WASL: variants seen among roughly 807,000 people sequenced by gnomAD.
The protein encoded by WASL is WASP like actin nucleation promoting factor, also known as actin nucleation-promoting factor WASL.
Under a neutral mutation model 55.5 loss-of-function variants are expected in WASL, and 20 were observed. The ratio of observed to expected loss-of-function variants is 0.36; its 90% CI spans 0.25 to 0.52. WASL has a LOEUF of 0.52. WASL is among the 20% of genes least tolerant of loss of function. The pLI is 0.92. For missense variants in WASL, 504 were observed against 622.5 expected, an observed-to-expected ratio of 0.81 and a Z score of 2.03; for synonymous variants, 249 against 217.6, an observed-to-expected ratio of 1.14 and a Z score of -1.27.
At position 123,748,664 on chromosome 7, in the gene WASL, G is replaced by T. The variant is rs768654148; in HGVS notation, c.71C>A (p.Pro24Gln). ...AGTGAAGAGGGACTCGTTCTCCTGCGGGGTGAGCAACAGGGACCCCACGTT... is the reference window on the plus strand; with the variant it reads ...AGTGAAGAGGGACTCGTTCTCCTGCTGGGTGAGCAACAGGGACCCCACGTT... Reference protein sequence around the residue: ...VTNVGSLLLTPQENESLFTFL... With the variant: ...VTNVGSLLLTQQENESLFTFL... Residue 24 changes from proline (P) to glutamine (Q), a missense_variant, in exon 1 of 11, where the codon CCG (proline) becomes CAG (glutamine). Transcript: ENST00000223023. 6.2e-7 allele frequency: 1 copy of T among 1,612,996 alleles called. No homozygotes were observed. Among genetic ancestry groups the T allele is most frequent in the Admixed American group, 1.7e-5 (1 of 59,956 alleles).
chr7:123,744,437 G>A (rs1180511637), intron 1 of WASL, among the ~76,000 whole-genome samples: 1 of 151,974 alleles, frequency 6.6e-6, no homozygotes, highest in Non-Finnish European at 1.5e-5. Context: ...GACTACCTAG[G>A]CATAAAGTCT....
chr7:123,719,670 G>A (rs934441362), intron 1 of WASL, among the ~76,000 whole-genome samples: 1 of 152,158 alleles, frequency 6.6e-6, no homozygotes, highest in Non-Finnish European at 1.5e-5. Context: ...CTTCAGTACA[G>A]AGCACAAGCA....
rs1803220587 is a variant in WASL at position 123,682,876 on chromosome 7, CTTAAA to C, written c.*1638_*1642del. ...AAAAGTCTAGAATCTTTCCCATGTG[CTTAAA>C]TTACTCTTGCAAGAAAGATAACATT... is the stretch of plus-strand genomic sequence containing the variant. On this transcript the variant is annotated 3_prime_UTR_variant, in exon 11 of 11. Transcript: ENST00000223023. The C allele has an allele frequency of 6.6e-6, 1 of 152,046 alleles. No homozygotes were observed. The allele number at this position is 152,046 out of a possible 1,614,324, so 9.4% of individuals were successfully genotyped here. A position where few individuals can be genotyped will look rare whatever the true frequency, so the allele number is the denominator to read the frequency against.
Position 123,684,497 on chromosome 7 carries a change from AT to A in WASL, c.*21del. ...GTTTAGTATTTCACCTTAAAAATAT[AT>A]ATATATATATAATATATAGATCAGT... is the stretch of plus-strand genomic sequence containing the variant. On this transcript the variant is annotated 3_prime_UTR_variant, in exon 11 of 11. Coordinates refer to ENST00000223023, the MANE Select transcript of WASL (RefSeq NM_003941.4). 3.5e-6 allele frequency: 2 copies of A among 563,598 alleles called. No homozygotes were observed. The highest frequency in any genetic ancestry group is 7.1e-5 in the East Asian group (2 of 28,060). 34.9% of individuals were successfully genotyped at this position (563,598 alleles called of 1,614,324 possible).
chr7:123,710,946 T>C (rs554407530), intron 1 of WASL, among the ~76,000 whole-genome samples: 1 of 152,172 alleles, frequency 6.6e-6, no homozygotes, highest in Non-Finnish European at 1.5e-5. Context: ...GGCTGAAGAA[T>C]GCAAAAATCA....
chr7:123,686,067 T>C (rs1195572483), intron 10 of WASL, among the ~76,000 whole-genome samples: 1 of 151,156 alleles, frequency 6.6e-6, no homozygotes, highest in Non-Finnish European at 1.5e-5. Flanking sequence ...AAATTGATTG[T>C]GTGAAGGTAG....
chr7:123,723,377 T>C (rs148740364), intron 1 of WASL, among the ~76,000 whole-genome samples: 8 of 152,162 alleles, frequency 5.3e-5, no homozygotes, highest in South Asian at 4.1e-4. Flanking sequence ...AAATCTCAGA[T>C]TGGAGCTGTA....
chr7:123,748,932 A>C lies in WASL; in HGVS notation c.-198T>G. On this transcript the variant is annotated 5_prime_UTR_variant, in exon 1 of 11. Coordinates refer to ENST00000223023, the MANE Select transcript of WASL (RefSeq NM_003941.4). The stretch of plus-strand genomic sequence containing the variant: ...GAGCCACCTTCGCGCCGCGCTGAGA[A>C]AGGGAAGCTCCCGGCACCCGCCCGG... 1.8e-6 allele frequency: 1 copy of C among 564,864 alleles called. No homozygotes were observed. The highest frequency in any genetic ancestry group is 3.1e-6 in the Non-Finnish European group (1 of 322,330). 35.0% of individuals were successfully genotyped at this position (564,864 alleles called of 1,614,324 possible). A position where few individuals can be genotyped will look rare whatever the true frequency, so the allele number is the denominator to read the frequency against.
intron 1 of WASL, among the ~76,000 whole-genome samples, chr7:123,724,996 A>G (rs1407598765): frequency 6.6e-6 from 1 of 152,156 alleles, no homozygotes; most frequent in East Asian, 1.9e-4. Flanking sequence ...TTTTCCCACT[A>G]ATTCTCAAAG....
In WASL at chr7:123,691,882, T is replaced by C. The variant is rs938152584; in HGVS notation, c.1347+465A>G. On this transcript the variant is annotated intron_variant, in intron 9 of 10. Transcript: ENST00000223023. ...TTTAGATTTCCTAAGGTGATCACAA[T>C]TGGTTTCAAGTAGGGCTATTTTTAA... Among the ~76,000 whole-genome samples the C allele has an allele frequency of 4.6e-5, 7 of 152,340 alleles. No individual in the cohort carries two copies. In the East Asian group the frequency reaches 5.8e-4, roughly 13 times the overall value.
chr7:123,706,407 G>A, intron 3 of WASL, 34 bp from the exon 4 acceptor site: 2 of 1,563,722 alleles, frequency 1.3e-6, no homozygotes, highest in South Asian at 1.1e-5. Flanking sequence ...GGAAACAACA[G>A]AATGTATGAA....
chr7:123,710,988 C>G (rs979247538), intron 1 of WASL, among the ~76,000 whole-genome samples: 1 of 152,104 alleles, frequency 6.6e-6, no homozygotes, highest in Non-Finnish European at 1.5e-5. Flanking sequence ...AAGGAGAATT[C>G]GCATAAAGTC....
At chr7:123,700,175 C>CAAAAAAAAAAAAAAAAAAA (rs1168168286) in intron 5 of WASL, among the ~76,000 whole-genome samples, 1 of 47,320 alleles carries the variant, frequency 2.1e-5, no homozygotes, top group African/African-American at 7.5e-5. Context: ...AACTCCGTCT[C>CAAAAAAAAAAAAAAAAAAA]AAAAAAAAAA....
At chr7:123,731,839 C>CTAATTTT (rs1804142163) in intron 1 of WASL, among the ~76,000 whole-genome samples, 1 of 151,916 alleles carries the variant, frequency 6.6e-6, no homozygotes, top group Admixed American at 6.6e-5. Flanking sequence ...ACCTAAGTAT[C>CTAATTTT]TAACTTACGA....
Position 123,748,898 on chromosome 7 carries a change from G to A in WASL, c.-164C>T. On this transcript the variant is annotated 5_prime_UTR_variant, in exon 1 of 11. Transcript: ENST00000223023. ...GAGGACGAGGTCGAGGGAAGCAGGC[G>A]CTGACGGCGAGCCACCTTCGCGCCG... 3.3e-6 allele frequency: 2 copies of A among 607,604 alleles called. No individual in the cohort carries two copies. The highest frequency in any genetic ancestry group is 5.6e-6 in the Non-Finnish European group (2 of 359,282). 37.6% of individuals were successfully genotyped at this position (607,604 alleles called of 1,614,324 possible). A position where few individuals can be genotyped will look rare whatever the true frequency, so the allele number is the denominator to read the frequency against.
chr7:123,684,194 T>A lies in WASL; in HGVS notation c.*325A>T, dbSNP rs76044696. 1 of 154,778 alleles carries A rather than the reference T, an allele frequency of 6.5e-6. No individual in the cohort carries two copies. Among genetic ancestry groups the A allele is most frequent in the Non-Finnish European group, 1.4e-5 (1 of 69,810 alleles). 9.6% of individuals were successfully genotyped at this position (154,778 alleles called of 1,614,324 possible). A position where few individuals can be genotyped will look rare whatever the true frequency, so the allele number is the denominator to read the frequency against. On this transcript the variant is annotated 3_prime_UTR_variant, in exon 11 of 11. Transcript: ENST00000223023. ...TGAAAATAGTGTTTTCCTTCTGGCATTATAAGTAAATTACATTAAGGTTTT... is the reference window on the plus strand; with the variant it reads ...TGAAAATAGTGTTTTCCTTCTGGCAATATAAGTAAATTACATTAAGGTTTT...
At chr7:123,707,097 C>G (rs1803684308) in intron 2 of WASL, among the ~76,000 whole-genome samples, 1 of 152,072 alleles carries the variant, frequency 6.6e-6, no homozygotes, top group African/African-American at 2.4e-5. Context: ...CAACCATTTC[C>G]AAATTCAGCT....
chr7:123,694,842 C>T lies in WASL; in HGVS notation c.699G>A (p.Lys233=). ...FDLNNLDPEL[K]NLFDMCGISE... The stretch of plus-strand genomic sequence containing the variant: ...AGATTCCACACATATCGAAAAGATT[C>T]TTCAATTCTGGATCCAAATTATTCA... The change falls in exon 8 of 11, where the codon AAG becomes AAA. Residue 233 remains lysine (K), a synonymous_variant. Coordinates refer to ENST00000223023, the MANE Select transcript of WASL (RefSeq NM_003941.4). The T allele has an allele frequency of 6.2e-7, 1 of 1,608,992 alleles. No individual in the cohort carries two copies. The highest frequency in any genetic ancestry group is 8.5e-7 in the Non-Finnish European group (1 of 1,178,286).
chr7:123,692,194 A>C (rs1803420425), intron 9 of WASL, among the ~76,000 whole-genome samples, 153 bp downstream of exon 9: 1 of 152,208 alleles, frequency 6.6e-6, no homozygotes, highest in Non-Finnish European at 1.5e-5. Context: ...TGTGCATGTC[A>C]CTGCATGTAA....
Sources: gnomAD v4.1 joint callset for allele counts (sites outside exome capture counted in the v4.1 genomes callset) on GRCh38, gnomAD v4.1.1 for gene constraint, MANE v1.5 for transcripts, NCBI Gene and HGNC (gene_info 2026-07-23, HGNC 2026-07-21) for gene names.